Variants in FMN2 observed in about 807,000 individuals in gnomAD.
FMN2 encodes formin-2.
A neutral mutation model predicts 142.3 loss-of-function variants in FMN2; 51 were observed. The observed-to-expected ratio is 0.36, with a 90% CI of 0.29 to 0.45. FMN2 has a LOEUF of 0.45. Ranked by LOEUF, FMN2 falls within the 20% of genes least tolerant of loss-of-function variation. The pLI is 1.00. For missense variants in FMN2, 1,936 were observed against 2,122.8 expected (o/e 0.91, Z 1.73); for synonymous variants, 882 against 869.8 (o/e 1.01, Z -0.25).
chr1:240,362,090 T>C (rs1039646589), intron 14 of FMN2, among the ~76,000 whole-genome samples: 3 of 152,214 alleles, frequency 2.0e-5, no homozygotes, highest in Non-Finnish European at 2.9e-5. Flanking sequence ...GTTTCTGGGA[T>C]TGGCATAAGC....
chr1:240,472,760 C>T (rs549272941), intron 17 of FMN2, among the ~76,000 whole-genome samples: 39 of 151,920 alleles, frequency 2.6e-4, no homozygotes, highest in African/African-American at 7.7e-4. Flanking sequence ...TCCTGCCCAA[C>T]GTGATGAAAC....
intron 8 of FMN2, among the ~76,000 whole-genome samples, chr1:240,312,939 T>C (rs1670645101): frequency 6.6e-6 from 1 of 152,220 alleles, no homozygotes; most frequent in Admixed American, 6.5e-5. Context: ...GCAAAAGACT[T>C]AAGAGATTAT....
At chr1:240,183,618 C>T (rs1050478022) in intron 3 of FMN2, among the ~76,000 whole-genome samples, 3 of 151,746 alleles carry the variant, frequency 2.0e-5, no homozygotes, top group Non-Finnish European at 2.9e-5. Flanking sequence ...TTTTCTCCTG[C>T]GCTAACTAGA....
chr1:240,214,492 A>G (rs1387355041), intron 6 of FMN2, among the ~76,000 whole-genome samples: 1 of 150,808 alleles, frequency 6.6e-6, no homozygotes, highest in Non-Finnish European at 1.5e-5. Context: ...CAGAGGTTGC[A>G]GTGAGCCGAG....
intron 2 of FMN2, among the ~76,000 whole-genome samples, chr1:240,125,367 G>A (rs1248351728): frequency 2.0e-5 from 3 of 152,230 alleles, no homozygotes; most frequent in East Asian, 1.9e-4. Context: ...GCAGCTAATC[G>A]CTGCTAGGTA....
rs144682452 is a variant in FMN2, at chr1:240,336,582, A to AAAAAAG, written c.4765+2353_4765+2354insAAAAAG. Among the ~76,000 whole-genome samples the AAAAAAG allele has an allele frequency of 3.1e-3, 319 of 101,856 alleles. 58 individuals carry two copies. The highest frequency in any genetic ancestry group is 8.6e-3 in the East Asian group (22 of 2,568). The allele number at this position is 101,856 out of a possible 152,430, so 66.8% of individuals were successfully genotyped here. A position where few individuals can be genotyped will look rare whatever the true frequency, so the allele number is the denominator to read the frequency against. ...AAAAAAAAAAAAAAAAAAAAAAAAA[A>AAAAAAG]GGTGGTTGCAATTGTTTTCCCATTT... On this transcript the variant is annotated intron_variant, in intron 13 of 17. Transcript: ENST00000319653.
intron 14 of FMN2, among the ~76,000 whole-genome samples, chr1:240,378,870 G>A (rs963194126): frequency 2.0e-5 from 3 of 151,942 alleles, no homozygotes; most frequent in African/African-American, 4.8e-5. Context: ...ATATTTGAGG[G>A]TGGTTACTAA....
chr1:240,143,173 G>C, intron 2 of FMN2: 1 of 1,582,264 alleles, frequency 6.3e-7, no homozygotes, highest in African/African-American at 1.3e-5. Flanking sequence ...ATTGCAGCCA[G>C]ACGGGCATTA....
intron 13 of FMN2, among the ~76,000 whole-genome samples, chr1:240,344,370 T>G (rs968731503): frequency 3.3e-5 from 5 of 152,198 alleles, no homozygotes; most frequent in African/African-American, 1.2e-4. Flanking sequence ...TACTGTGATG[T>G]TTTGCTGTTT....
At chr1:240,264,539 A>T (rs971945265) in intron 7 of FMN2, among the ~76,000 whole-genome samples, 1 of 151,066 alleles carries the variant, frequency 6.6e-6, no homozygotes, top group East Asian at 2.0e-4. Flanking sequence ...TTTGCCCCCT[A>T]CCCCCTGACA....
At chr1:240,287,735 A>G (rs1669639616) in intron 7 of FMN2, among the ~76,000 whole-genome samples, 1 of 152,136 alleles carries the variant, frequency 6.6e-6, no homozygotes, top group South Asian at 2.1e-4. Context: ...AATCACAACA[A>G]CCAACATTTT....
intron 6 of FMN2, among the ~76,000 whole-genome samples, chr1:240,237,774 A>G (rs1420402502): frequency 6.6e-6 from 1 of 152,190 alleles, no homozygotes; most frequent in African/African-American, 2.4e-5. Flanking sequence ...AAATTGCAGA[A>G]TAAGACTGGG....
intron 1 of FMN2, among the ~76,000 whole-genome samples, chr1:240,110,930 T>C (rs890182461): frequency 6.6e-6 from 1 of 152,152 alleles, no homozygotes; most frequent in African/African-American, 2.4e-5. Flanking sequence ...GATGAAGATA[T>C]TTGAATCTGT....
intron 11 of FMN2, among the ~76,000 whole-genome samples, chr1:240,332,230 A>G (rs935069699): frequency 2.6e-5 from 4 of 151,396 alleles, no homozygotes; most frequent in African/African-American, 9.8e-5. Context: ...TCATAGAAGT[A>G]TCTACTATAG....
chr1:240,277,235 G>A (rs1572146323), intron 7 of FMN2, among the ~76,000 whole-genome samples: 1 of 152,224 alleles, frequency 6.6e-6, no homozygotes, highest in East Asian at 1.9e-4. Flanking sequence ...TAGCCATTTG[G>A]AAGAGAATAC....
chr1:240,127,965 G>C (rs568013648), intron 2 of FMN2, among the ~76,000 whole-genome samples: 1 of 152,174 alleles, frequency 6.6e-6, no homozygotes, highest in Non-Finnish European at 1.5e-5. Context: ...TGGGACTTCT[G>C]GTGGGGCAGA....
intron 14 of FMN2, among the ~76,000 whole-genome samples, chr1:240,383,996 C>A (rs1375455534): frequency 1.3e-5 from 2 of 151,978 alleles, no homozygotes; most frequent in African/African-American, 4.8e-5. Context: ...GTGTCCTTTA[C>A]AGCAACATGG....
rs778152189 is a variant in FMN2, at chr1:240,208,369, C to T, written c.3557C>T (p.Pro1186Leu). Residue 1186 changes from proline (P) to leucine (L), a missense_variant, in exon 5 of 18, where the codon CCT becomes CTT. Pro to Leu is a moderately conservative substitution (Grantham distance 98). Around this residue, in one of 8 missense-constraint regions of FMN2, gnomAD observed 259 missense variants for 230.9 expected, o/e 1.12. Transcript: ENST00000319653. ...CCTCTACCTGGAGTGGGAATACCTC[C>T]TCCGCCCCCTCTACCTGGAGTGGGA... ...PPPLPGVGIP[P>L]PPPLPGVGIP... 3.8e-6 allele frequency: 6 copies of T among 1,585,942 alleles called. No homozygotes were observed. Among genetic ancestry groups the T allele is most frequent in the Non-Finnish European group, 5.2e-6 (6 of 1,163,560 alleles).
chr1:240,130,180 T>G (rs536917335), intron 2 of FMN2, among the ~76,000 whole-genome samples: 18 of 152,366 alleles, frequency 1.2e-4, no homozygotes, highest in African/African-American at 3.4e-4. Context: ...GTGTGAATAT[T>G]GCACTGCAGA....
Sources: gnomAD v4.1 joint callset for allele counts (sites outside exome capture counted in the v4.1 genomes callset) on GRCh38, gnomAD v4.1.1 for gene constraint, gnomAD v4.1.1 regional missense constraint, MANE v1.5 for transcripts, NCBI Gene and HGNC (gene_info 2026-07-23, HGNC 2026-07-21) for gene names.